The following SRRM1 variants were observed in gnomAD, a reference collection of about 807,000 sequenced individuals.
SRRM1 encodes serine and arginine repetitive matrix 1.
SRRM1 carries 19 observed loss-of-function variants against 110.2 expected under a neutral mutation model. The ratio of observed to expected loss-of-function variants is 0.17; its 90% CI spans 0.12 to 0.25. SRRM1 has a LOEUF of 0.25. Among genes scored for constraint, SRRM1 ranks in the 10% least tolerant of loss-of-function variants. The pLI, the probability that SRRM1 is intolerant of heterozygous loss-of-function variation, is 1.00. For synonymous variants in SRRM1, 443 were observed against 414.9 expected, an observed-to-expected ratio of 1.07 and a Z score of -0.82; for missense variants, 918 against 1,145.8, an observed-to-expected ratio of 0.80 and a Z score of 2.87.
chr1:24,643,482 A>ACCT, intron 1 of SRRM1, 135 bp downstream of exon 1: 1 of 287,346 alleles, frequency 3.5e-6, no homozygotes. Context: ...GAGCCGGCGC[A>ACCT]CCCCCCCCCC....
Position 24,669,579 on chromosome 1 carries a change from G to A in SRRM1, c.2196G>A (p.Lys732=). The change falls in exon 14 of 17, where the codon AAG becomes AAA. Residue 732 remains lysine, a synonymous_variant. Transcript: ENST00000323848. ...TCTCCAGGACTCCGGAACCTAAAAA[G>A]ATAAAAAAGTAAAAATATTTTATGC... is the stretch of plus-strand genomic sequence containing the variant. The part of the protein sequence containing the change: ...RRVSRTPEPK[K]IKKAASPSPQ... 6.4e-7 allele frequency: 1 copy of A among 1,552,158 alleles called. No homozygotes were observed. The highest frequency in any genetic ancestry group is 8.7e-7 in the Non-Finnish European group (1 of 1,146,006).
chr1:24,649,902 G>T (rs977893512), intron 4 of SRRM1, 69 bp from the exon 5 acceptor site: 1 of 1,390,646 alleles, frequency 7.2e-7, no homozygotes, highest in Admixed American at 3.0e-5. Flanking sequence ...TTTAACACAC[G>T]TAGAAAGTAG....
intron 13 of SRRM1, among the ~76,000 whole-genome samples, chr1:24,667,567 C>G (rs1401633437): frequency 6.6e-6 from 1 of 152,074 alleles, no homozygotes; most frequent in Non-Finnish European, 1.5e-5. Flanking sequence ...TCAGACAAAC[C>G]CAAATTGAAA....
intron 8 of SRRM1, chr1:24,654,172 T>A (rs770302352): frequency 1.9e-6 from 1 of 530,144 alleles, no homozygotes; most frequent in Non-Finnish European, 3.2e-6. Context: ...CTATTTCTTA[T>A]ACTGGAGTTT....
intron 4 of SRRM1, 100 bp from the exon 5 acceptor site, chr1:24,649,871 G>T: frequency 9.3e-7 from 1 of 1,069,614 alleles, no homozygotes; most frequent in Non-Finnish European, 1.3e-6. Context: ...AGAGGCCGAT[G>T]AAATGATAAT....
intron 13 of SRRM1, 110 bp downstream of exon 13, chr1:24,667,035 C>T (rs1670357157): frequency 1.5e-6 from 1 of 651,478 alleles, no homozygotes; most frequent in Non-Finnish European, 2.7e-6. Context: ...AGAGGCACAG[C>T]TCATGTGTGC....
rs757671207 is a variant in SRRM1 at position 24,654,871 on chromosome 1, G to A, written c.1057G>A (p.Ala353Thr). 4 of 1,614,064 alleles carry A rather than the reference G, an allele frequency of 2.5e-6. No homozygotes were observed. ...SPVRRRRRSS[A>T]SLSGSSSSSS... ...ATTCCACAGAAGAAGACGTTCGTCA[G>A]CATCCTTGTCTGGGAGTAGCTCATC... The change falls in exon 9 of 17, where the codon GCA (alanine) becomes ACA (threonine). Residue 353 changes from alanine (A) to threonine (T), a missense_variant. Physicochemically the swap from Ala to Thr is moderately conservative, Grantham distance 58. This residue lies in a region of SRRM1 where 456 missense variants were observed against 453.5 expected (regional missense o/e 1.01). Coordinates refer to ENST00000323848, the MANE Select transcript of SRRM1 (RefSeq NM_005839.4).
At chr1:24,666,112 A>G (rs1360564462) in intron 12 of SRRM1, among the ~76,000 whole-genome samples, 1 of 152,214 alleles carries the variant, frequency 6.6e-6, no homozygotes, top group Non-Finnish European at 1.5e-5. Flanking sequence ...CAGACCTGGT[A>G]GGCATAAATC....
intron 13 of SRRM1, among the ~76,000 whole-genome samples, chr1:24,668,726 A>G (rs1557741942): frequency 1.3e-5 from 2 of 152,232 alleles, no homozygotes; most frequent in Non-Finnish European, 2.9e-5. Flanking sequence ...TAAGGTGACC[A>G]TAATAGAGTT....
intron 9 of SRRM1, 123 bp from the exon 10 acceptor site, chr1:24,660,596 C>T (rs1666681569): frequency 4.7e-6 from 2 of 424,612 alleles, no homozygotes. Context: ...ACTAGCCTGA[C>T]TAATATAGTG....
intron 12 of SRRM1, among the ~76,000 whole-genome samples, chr1:24,665,302 G>C (rs1382835695): frequency 6.6e-6 from 1 of 152,052 alleles, no homozygotes; most frequent in Non-Finnish European, 1.5e-5. Flanking sequence ...GGTGGCGCAT[G>C]CCTGTAGTCC....
chr1:24,669,435 C>G lies in SRRM1; in HGVS notation c.2052C>G (p.Pro684=), dbSNP rs1671644472. ...CACAACCAAACAAACGGCATTCGCC[C>G]TCACCACGGCCTCGAGCTCCTCAGA... is the stretch of plus-strand genomic sequence containing the variant. ...RSPQPNKRHS[P]SPRPRAPQTS... is the part of the protein sequence containing the mutation. Residue 684 remains proline, a synonymous_variant, in exon 14 of 17, where the codon CCC becomes CCG. Transcript: ENST00000323848. The G allele has an allele frequency of 6.2e-7, 1 of 1,614,206 alleles. No homozygotes were observed.
At chr1:24,664,230 A>C (rs565924634) in intron 12 of SRRM1, among the ~76,000 whole-genome samples, 11 of 152,254 alleles carry the variant, frequency 7.2e-5, no homozygotes, top group Non-Finnish European at 1.5e-4. Context: ...TCCTAAAGTC[A>C]GGTGATCCAC....
At chr1:24,662,124 CTAT>C (rs1287394465) in intron 11 of SRRM1, among the ~76,000 whole-genome samples, 1 of 152,060 alleles carries the variant, frequency 6.6e-6, no homozygotes, top group African/African-American at 2.4e-5. Flanking sequence ...ATAATCTACC[CTAT>C]TATTTTACTA....
intron 8 of SRRM1, among the ~76,000 whole-genome samples, chr1:24,654,077 C>G (rs1386284726): frequency 6.6e-6 from 1 of 152,148 alleles, no homozygotes; most frequent in Non-Finnish European, 1.5e-5. Flanking sequence ...AATGGTCAGT[C>G]AATTTTCAGG....
chr1:24,672,655 TTTC>T lies in SRRM1; in HGVS notation c.*378_*380del, dbSNP rs201123449. 1,023 of 156,884 alleles carry T rather than the reference TTTC, an allele frequency of 6.5e-3. 9 individuals carry two copies. The highest frequency in any genetic ancestry group is 0.023 in the African/African-American group (951 of 41,620). 9.7% of individuals were successfully genotyped at this position (156,884 alleles called of 1,614,324 possible). A position where few individuals can be genotyped will look rare whatever the true frequency, so the allele number is the denominator to read the frequency against. On this transcript the variant is annotated 3_prime_UTR_variant, in exon 17 of 17. Coordinates refer to ENST00000323848, the MANE Select transcript of SRRM1 (RefSeq NM_005839.4). ...GGTTTTGATTTTCTTTTTGTTTTTCTTTCTTCTTCTTATTTTTTTCATTTGAGT... is the reference window on the plus strand; with the variant it reads ...GGTTTTGATTTTCTTTTTGTTTTTCTTTCTTCTTATTTTTTTCATTTGAGT...
At chr1:24,646,445 C>T (rs1057037049) in intron 2 of SRRM1, among the ~76,000 whole-genome samples, 6 of 150,752 alleles carry the variant, frequency 4.0e-5, no homozygotes, top group Non-Finnish European at 5.9e-5. Context: ...GAGAATGGCA[C>T]GAACCTGGGA....
At chr1:24,653,158 C>T in intron 8 of SRRM1, 126 bp downstream of exon 8, 1 of 890,992 alleles carries the variant, frequency 1.1e-6, no homozygotes, top group Non-Finnish European at 1.6e-6. Context: ...ACAATGTCTT[C>T]TAAAGAGTCT....
chr1:24,657,645 G>A (rs914924090), intron 9 of SRRM1, among the ~76,000 whole-genome samples: 17 of 152,168 alleles, frequency 1.1e-4, no homozygotes, highest in South Asian at 2.1e-4. Flanking sequence ...GTGTTTTGGG[G>A]AACTTACAGG....
Sources: gnomAD v4.1 joint callset for allele counts (sites outside exome capture counted in the v4.1 genomes callset) on GRCh38, gnomAD v4.1.1 for gene constraint, gnomAD v4.1.1 regional missense constraint, MANE v1.5 for transcripts, NCBI Gene and HGNC (gene_info 2026-07-23, HGNC 2026-07-21) for gene names.